Variants in PRR16 observed in about 807,000 individuals in gnomAD.
The protein encoded by PRR16 is proline rich 16, also known as protein Largen.
A neutral mutation model predicts 18.2 loss-of-function variants in PRR16; 6 were observed. That is an observed-to-expected ratio of 0.33 (90% CI 0.18 to 0.65). The LOEUF (loss-of-function observed/expected upper bound fraction) is 0.65. PRR16 is among the 30% of genes least tolerant of loss of function. The pLI, the probability that PRR16 is intolerant of heterozygous loss-of-function variation, is 0.74. For missense variants in PRR16, 412 were observed against 376.6 expected (o/e 1.09, Z -0.78); for synonymous variants, 151 against 147.8 (o/e 1.02, Z -0.16).
At chr5:120,710,063 G>A in the PRR16 span, among the ~76,000 whole-genome samples, 23 of 151,994 alleles carry the variant, frequency 1.5e-4, no homozygotes, top group East Asian at 5.8e-4. Context: ...TATTTTTCAT[G>A]GTGGCTGTAC....
the PRR16 span, among the ~76,000 whole-genome samples, chr5:120,692,587 G>C: frequency 6.6e-6 from 1 of 152,200 alleles, no homozygotes; most frequent in Non-Finnish European, 1.5e-5. Flanking sequence ...AATGGAAGGA[G>C]ATGTGCATAT....
At chr5:120,651,311 G>A (rs908835590) in intron 1 of PRR16, among the ~76,000 whole-genome samples, 4 of 152,134 alleles carry the variant, frequency 2.6e-5, no homozygotes, top group African/African-American at 9.7e-5. Flanking sequence ...TTCTTTTGCT[G>A]TGCAGAAGCT....
intron 1 of PRR16, among the ~76,000 whole-genome samples, chr5:120,656,090 C>T (rs1318652878): frequency 6.6e-6 from 1 of 151,716 alleles, no homozygotes; most frequent in African/African-American, 2.4e-5. Flanking sequence ...ATTCCAAACC[C>T]CCTAACTGCT....
intron 1 of PRR16, among the ~76,000 whole-genome samples, chr5:120,683,139 A>C (rs572172785): frequency 6.6e-6 from 1 of 152,310 alleles, no homozygotes; most frequent in Admixed American, 6.5e-5. Flanking sequence ...AGAGTTATTT[A>C]GGAGCATGAG....
intron 1 of PRR16, among the ~76,000 whole-genome samples, chr5:120,530,301 T>A (rs1183496081): frequency 2.3e-3 from 306 of 133,736 alleles, no homozygotes; most frequent in African/African-American, 7.9e-3. Flanking sequence ...ATTTATTTAT[T>A]TATTTATTTA....
intron 1 of PRR16, among the ~76,000 whole-genome samples, chr5:120,530,279 ATATATTTATT>A (rs1410277121): frequency 4.2e-4 from 44 of 105,062 alleles, no homozygotes; most frequent in African/African-American, 8.2e-4. Context: ...ATATATATAT[ATATATTTATT>A]TATTTATTTA....
At chr5:120,631,309 G>C (rs994211879) in intron 1 of PRR16, among the ~76,000 whole-genome samples, 21 of 152,120 alleles carry the variant, frequency 1.4e-4, no homozygotes, top group African/African-American at 4.8e-4. Context: ...ACTACTGCAG[G>C]AACATACCAG....
chr5:120,556,932 G>T (rs1205435053), intron 1 of PRR16, among the ~76,000 whole-genome samples: 1 of 149,152 alleles, frequency 6.7e-6, no homozygotes, highest in Non-Finnish European at 1.5e-5. Flanking sequence ...ATAACCAGTA[G>T]ACCCAACTGC....
chr5:120,679,153 G>T (rs1285773180), intron 1 of PRR16, among the ~76,000 whole-genome samples: 1 of 152,024 alleles, frequency 6.6e-6, no homozygotes, highest in Non-Finnish European at 1.5e-5. Context: ...CATTATCCTT[G>T]TTTTAAAACT....
chr5:120,559,809 T>G (rs1406544825), intron 1 of PRR16, among the ~76,000 whole-genome samples: 4 of 151,966 alleles, frequency 2.6e-5, no homozygotes, highest in Non-Finnish European at 5.9e-5. Flanking sequence ...TTTCTAGTTT[T>G]TTGTGTCCTG....
the PRR16 span, among the ~76,000 whole-genome samples, chr5:120,780,013 G>T: frequency 6.6e-6 from 1 of 152,088 alleles, no homozygotes; most frequent in African/African-American, 2.4e-5. Flanking sequence ...ATATTCATTT[G>T]TACCTATGCT....
chr5:120,609,551 C>T (rs1458214720), intron 1 of PRR16, among the ~76,000 whole-genome samples: 2 of 152,098 alleles, frequency 1.3e-5, no homozygotes, highest in Non-Finnish European at 2.9e-5. Context: ...AGATTTTCGA[C>T]AATGAAAAGT....
the PRR16 span, among the ~76,000 whole-genome samples, chr5:120,722,083 C>A: frequency 6.6e-6 from 1 of 151,964 alleles, no homozygotes; most frequent in Non-Finnish European, 1.5e-5. Context: ...TCCATGTGTT[C>A]TCATTGTTGG....
chr5:120,792,799 T>G, the PRR16 span, among the ~76,000 whole-genome samples: 1 of 152,198 alleles, frequency 6.6e-6, no homozygotes, highest in Non-Finnish European at 1.5e-5. Flanking sequence ...TGGAGAGAAC[T>G]ACATTAAACA....
At chr5:120,695,288 T>C in the PRR16 span, among the ~76,000 whole-genome samples, 1 of 152,192 alleles carries the variant, frequency 6.6e-6, no homozygotes, top group Non-Finnish European at 1.5e-5. Context: ...AGATTTTTTT[T>C]CTAAGTGGAC....
chr5:120,583,136 A>C (rs1459931599), intron 1 of PRR16, among the ~76,000 whole-genome samples: 1 of 152,214 alleles, frequency 6.6e-6, no homozygotes, highest in Non-Finnish European at 1.5e-5. Context: ...AGGGTCAGCC[A>C]AGCTAAAGTC....
chr5:120,768,506 T>C, the PRR16 span, among the ~76,000 whole-genome samples: 1 of 151,704 alleles, frequency 6.6e-6, no homozygotes, highest in African/African-American at 2.4e-5. Flanking sequence ...TAATTGATTA[T>C]AGAAGCTGGT....
At chr5:120,725,823 A>G in the PRR16 span, among the ~76,000 whole-genome samples, 2 of 152,068 alleles carry the variant, frequency 1.3e-5, no homozygotes, top group Non-Finnish European at 2.9e-5. Flanking sequence ...ATTTTCAATA[A>G]ATTTTTCTTA....
the PRR16 span, among the ~76,000 whole-genome samples, chr5:120,733,074 G>T: frequency 6.6e-6 from 1 of 152,146 alleles, no homozygotes; most frequent in Non-Finnish European, 1.5e-5. Flanking sequence ...TGATGCAGTG[G>T]ACTATTTATT....
Sources: allele counts gnomAD v4.1 joint callset (sites outside exome capture counted in the v4.1 genomes callset), GRCh38; gene constraint gnomAD v4.1.1; transcripts MANE v1.5; gene names NCBI Gene and HGNC (gene_info 2026-07-23, HGNC 2026-07-21).